The following RBFOX1 variants were observed in gnomAD, a reference collection of about 807,000 sequenced individuals.
The protein encoded by RBFOX1 is RNA binding fox-1 homolog 1, also known as RNA binding protein fox-1 homolog 1.
Under a neutral mutation model 57.7 loss-of-function variants are expected in RBFOX1, and 8 were observed. The observed-to-expected ratio is 0.14, with a 90% confidence interval of 0.08 to 0.25. RBFOX1 has a LOEUF of 0.25. Ranked by LOEUF, RBFOX1 falls within the 10% of genes least tolerant of loss-of-function variation. The pLI, the probability that RBFOX1 is intolerant of heterozygous loss-of-function variation, is 1.00. For synonymous variants in RBFOX1, 326 were observed against 222.4 expected (o/e 1.47, Z -4.15); for missense variants, 611 against 548.5 (o/e 1.11, Z -1.14).
chr16:6,862,727 G>A (rs537620969), intron 3 of RBFOX1, among the ~76,000 whole-genome samples: 16 of 152,316 alleles, frequency 1.1e-4, no homozygotes, highest in African/African-American at 3.8e-4. Context: ...GCTCACACCT[G>A]TAATCCCGGC....
chr16:5,756,295 G>C (rs146201089), intron 3 of RBFOX1, among the ~76,000 whole-genome samples: 6 of 151,208 alleles, frequency 4.0e-5, no homozygotes, highest in Admixed American at 2.6e-4. Context: ...ATGCCGTGGG[G>C]TTGTAGTGTG....
intron 1 of RBFOX1, among the ~76,000 whole-genome samples, chr16:5,262,610 C>G (rs182348765): frequency 6.6e-6 from 1 of 152,310 alleles, no homozygotes; most frequent in African/African-American, 2.4e-5. Context: ...ACAAATCAAT[C>G]TGTCTCTCTC....
chr16:5,732,603 C>T (rs2052420076), intron 3 of RBFOX1, among the ~76,000 whole-genome samples: 1 of 152,184 alleles, frequency 6.6e-6, no homozygotes, highest in African/African-American at 2.4e-5. Flanking sequence ...TTCTGGGTCT[C>T]CGTTTCTGCA....
intron 3 of RBFOX1, among the ~76,000 whole-genome samples, chr16:5,712,801 A>G (rs547549386): frequency 6.6e-6 from 1 of 152,292 alleles, no homozygotes; most frequent in African/African-American, 2.4e-5. Context: ...CTGCATTCCT[A>G]GTTTTTAATG....
intron 4 of RBFOX1, among the ~76,000 whole-genome samples, chr16:5,969,477 A>ATTTTTTTTTTTT (rs34622040): frequency 1.6e-4 from 19 of 117,032 alleles, no homozygotes; most frequent in Non-Finnish European, 2.9e-4. Flanking sequence ...ACGCCTGGCT[A>ATTTTTTTTTTTT]TTTTTTTTTT....
intron 2 of RBFOX1, among the ~76,000 whole-genome samples, chr16:5,485,414 G>A (rs1230724358): frequency 6.8e-6 from 1 of 146,468 alleles, no homozygotes; most frequent in African/African-American, 2.5e-5. Flanking sequence ...CTCTCCAAGT[G>A]CATGCATACC....
At chr16:6,235,989 C>T (rs1017043369) in intron 1 of RBFOX1, among the ~76,000 whole-genome samples, 1 of 151,916 alleles carries the variant, frequency 6.6e-6, no homozygotes, top group Non-Finnish European at 1.5e-5. Flanking sequence ...CACCTGTTCC[C>T]CAATAACCTA....
intron 3 of RBFOX1, among the ~76,000 whole-genome samples, chr16:6,687,620 G>A (rs993869531): frequency 6.6e-6 from 1 of 152,122 alleles, no homozygotes; most frequent in African/African-American, 2.4e-5. Context: ...TCTATAAGAA[G>A]GTTCTCTTCC....
At chr16:6,498,451 C>T (rs1402163074) in intron 2 of RBFOX1, among the ~76,000 whole-genome samples, 1 of 152,010 alleles carries the variant, frequency 6.6e-6, no homozygotes, top group Admixed American at 6.6e-5. Flanking sequence ...CTTCTAAATG[C>T]TGTTCATTTA....
At chr16:5,751,757 G>T (rs570988323) in intron 3 of RBFOX1, among the ~76,000 whole-genome samples, 1 of 152,086 alleles carries the variant, frequency 6.6e-6, no homozygotes, top group Non-Finnish European at 1.5e-5. Flanking sequence ...AAATTGAGAT[G>T]GTTTAGTGTT....
intron 5 of RBFOX1, among the ~76,000 whole-genome samples, chr16:7,539,528 A>G (rs549633860): frequency 4.1e-4 from 62 of 152,224 alleles, no homozygotes; most frequent in South Asian, 1.7e-3. Context: ...GAAGCAACAG[A>G]TAATGTGTTT....
At chr16:6,115,530 C>T (rs1414415089) in intron 1 of RBFOX1, among the ~76,000 whole-genome samples, 1 of 152,142 alleles carries the variant, frequency 6.6e-6, no homozygotes, top group Admixed American at 6.5e-5. Flanking sequence ...CTGTACTTGT[C>T]TGCATAACGT....
chr16:7,640,105 G>C (rs994675514), intron 11 of RBFOX1, among the ~76,000 whole-genome samples: 1 of 152,184 alleles, frequency 6.6e-6, no homozygotes, highest in African/African-American at 2.4e-5. Flanking sequence ...CTGGATCACA[G>C]TCCTCAGAAT....
At chr16:5,444,114 A>G (rs375590688) in intron 1 of RBFOX1, among the ~76,000 whole-genome samples, 82 of 88,118 alleles carry the variant, frequency 9.3e-4, no homozygotes, top group Non-Finnish European at 1.4e-3. Flanking sequence ...AGGCATTTGA[A>G]ACTCCATCAA....
intron 1 of RBFOX1, among the ~76,000 whole-genome samples, chr16:6,087,790 C>T (rs1017947559): frequency 6.6e-6 from 1 of 151,928 alleles, no homozygotes; most frequent in African/African-American, 2.4e-5. Flanking sequence ...GAAGCTGGGG[C>T]TATAGGCGAG....
At chr16:6,540,987 C>G (rs142760613) in intron 2 of RBFOX1, among the ~76,000 whole-genome samples, 2 of 152,240 alleles carry the variant, frequency 1.3e-5, no homozygotes, top group African/African-American at 4.8e-5. Context: ...TTCCACATTG[C>G]AAAGCAGCAC....
intron 4 of RBFOX1, among the ~76,000 whole-genome samples, chr16:7,058,932 G>C (rs921229921): frequency 1.3e-5 from 2 of 152,152 alleles, no homozygotes; most frequent in Non-Finnish European, 2.9e-5. Context: ...GAATGCAAAT[G>C]ACTGAGTTTT....
intron 4 of RBFOX1, among the ~76,000 whole-genome samples, chr16:7,363,694 T>C (rs1313792671): frequency 6.6e-6 from 1 of 152,162 alleles, no homozygotes; most frequent in Admixed American, 6.5e-5. Flanking sequence ...AGTTGTTTTG[T>C]TGGAGGACAA....
upstream of RBFOX1, among the ~76,000 whole-genome samples, chr16:6,016,516 T>C (rs186009940): frequency 1.8e-3 from 270 of 152,300 alleles, 4 homozygotes; most frequent in Non-Finnish European, 3.0e-3. Context: ...TGAAGAGCTA[T>C]AGGAAGATCC....
Sources: gnomAD v4.1 joint callset for allele counts (sites outside exome capture counted in the v4.1 genomes callset) on GRCh38, gnomAD v4.1.1 for gene constraint, MANE v1.5 for transcripts, NCBI Gene and HGNC (gene_info 2026-07-23, HGNC 2026-07-21) for gene names.